Variants in HDGFL3 observed in about 807,000 individuals in gnomAD.
HDGFL3 encodes hepatoma-derived growth factor-related protein 3.
HDGFL3 carries 6 observed loss-of-function variants against 27.6 expected under a neutral mutation model. The ratio of observed to expected loss-of-function variants is 0.22; its 90% CI spans 0.12 to 0.43. HDGFL3 has a LOEUF of 0.43. HDGFL3 is among the 20% of genes least tolerant of loss of function. The pLI is 1.00. For missense variants in HDGFL3, 207 were observed against 250.1 expected (o/e 0.83, Z 1.16); for synonymous variants, 88 against 88.9 (o/e 0.99, Z 0.05).
downstream of HDGFL3, chr15:83,126,786 G>A (rs765868162): frequency 6.2e-6 from 10 of 1,613,552 alleles, no homozygotes; most frequent in Admixed American, 5.0e-5. Context: ...GAGCTCTGCC[G>A]ATTATATACG....
rs144534563 is a variant in HDGFL3 at position 83,169,952 on chromosome 15, G to A, written c.85-5877C>T. Reference sequence around the variant, plus strand: ...ACATCCAAGCTGAGAGCCAAATCAAGAATGCAATCCAGTTTACAATAGCCG... The same window carrying A: ...ACATCCAAGCTGAGAGCCAAATCAAAAATGCAATCCAGTTTACAATAGCCG... On this transcript the variant is annotated intron_variant, in intron 1 of 5. Coordinates refer to ENST00000299633, the MANE Select transcript of HDGFL3 (RefSeq NM_016073.4). Among the ~76,000 whole-genome samples, 82 of 152,238 alleles carry A rather than the reference G, an allele frequency of 5.4e-4. 1 individual carries two copies. In the East Asian group the frequency reaches 0.015, roughly 29 times the overall value.
At chr15:83,193,136 TA>T (rs1169338281) in intron 1 of HDGFL3, among the ~76,000 whole-genome samples, 1 of 151,204 alleles carries the variant, frequency 6.6e-6, no homozygotes. Context: ...AAATCAAGAG[TA>T]AAAAAAAGCA....
downstream of HDGFL3, chr15:83,126,871 A>G (rs776299932): frequency 3.8e-6 from 6 of 1,569,448 alleles, no homozygotes; most frequent in South Asian, 5.7e-5. Flanking sequence ...GAAGCCTAAG[A>G]TTTTTCTAAA....
intron 5 of HDGFL3, among the ~76,000 whole-genome samples, chr15:83,140,023 T>A (rs963136673): frequency 6.6e-6 from 1 of 152,164 alleles, no homozygotes; most frequent in Non-Finnish European, 1.5e-5. Flanking sequence ...ATGGGATGAA[T>A]GAAAGAGGGA....
intron 5 of HDGFL3, among the ~76,000 whole-genome samples, chr15:83,146,952 C>G (rs1192144802): frequency 6.6e-6 from 1 of 152,166 alleles, no homozygotes; most frequent in East Asian, 1.9e-4. Flanking sequence ...TCTACAAGCT[C>G]TCACCCCAAG....
chr15:83,124,837 A>G, downstream of HDGFL3: 2 of 1,350,186 alleles, frequency 1.5e-6, no homozygotes, highest in Non-Finnish European at 2.1e-6. Context: ...CCAAATGGAA[A>G]AAAACTTAGA....
intron 5 of HDGFL3, chr15:83,144,372 T>C: frequency 4.4e-6 from 2 of 455,072 alleles, no homozygotes; most frequent in South Asian, 3.1e-5. Flanking sequence ...CACCGCCCCT[T>C]TAGTGTGGGC....
chr15:83,150,730 T>G (rs1212341752), intron 5 of HDGFL3, among the ~76,000 whole-genome samples: 1 of 152,208 alleles, frequency 6.6e-6, no homozygotes, highest in Non-Finnish European at 1.5e-5. Context: ...AGAGTCATCA[T>G]AGACAAATTT....
intron 1 of HDGFL3, among the ~76,000 whole-genome samples, chr15:83,187,375 GTC>G (rs1304704861): frequency 6.6e-6 from 1 of 151,536 alleles, no homozygotes; most frequent in African/African-American, 2.4e-5. Context: ...CTCTGTGTGT[GTC>G]TCTCTCTCAA....
intron 3 of HDGFL3, among the ~76,000 whole-genome samples, chr15:83,118,531 A>G (rs2034910551): frequency 6.6e-6 from 1 of 152,208 alleles, no homozygotes; most frequent in African/African-American, 2.4e-5. Context: ...GTGTAGAAGC[A>G]GAACCTTGAT....
chr15:83,144,831 G>A (rs1000904755), intron 5 of HDGFL3: 2 of 306,692 alleles, frequency 6.5e-6, no homozygotes, highest in African/African-American at 4.4e-5. Context: ...GAAAAGATGA[G>A]ATAATAAATG....
At chr15:83,152,286 T>A (rs1051924339) in intron 4 of HDGFL3, among the ~76,000 whole-genome samples, 3 of 152,238 alleles carry the variant, frequency 2.0e-5, no homozygotes, top group African/African-American at 7.2e-5. Context: ...CCAGGCATGG[T>A]GGCTCACGCC....
At chr15:83,191,928 A>C (rs1302907197) in intron 1 of HDGFL3, among the ~76,000 whole-genome samples, 2 of 142,774 alleles carry the variant, frequency 1.4e-5, no homozygotes, top group Non-Finnish European at 3.0e-5. Flanking sequence ...ATTGTAACTT[A>C]TCTCTCCTTT....
At chr15:83,205,159 C>G (rs2037701666) in intron 1 of HDGFL3, among the ~76,000 whole-genome samples, 1 of 152,046 alleles carries the variant, frequency 6.6e-6, no homozygotes, top group African/African-American at 2.4e-5. Flanking sequence ...TTATCATCTA[C>G]ACAGCTATAC....
chr15:83,169,412 CTCAAA>C, intron 1 of HDGFL3, among the ~76,000 whole-genome samples: 1 of 31,694 alleles, frequency 3.2e-5, no homozygotes, highest in Non-Finnish European at 5.4e-5. Context: ...GAGACTCCGT[CTCAAA>C]AAAAAAAAAA....
chr15:83,144,375 G>A, intron 5 of HDGFL3: 1 of 455,182 alleles, frequency 2.2e-6, no homozygotes, highest in Non-Finnish European at 4.4e-6. Context: ...CGCCCCTTTA[G>A]TGTGGGCTGG....
chr15:83,176,854 TA>T lies in HDGFL3; in HGVS notation c.85-12780del, dbSNP rs908536373. The stretch of plus-strand genomic sequence containing the variant: ...GGTGCAAGTTGGTTTCCCTAATTCT[TA>T]AAAAAAAAAAGTACAAAATGTCAAA... On this transcript the variant is annotated intron_variant, in intron 1 of 5. Coordinates refer to ENST00000299633, the MANE Select transcript of HDGFL3 (RefSeq NM_016073.4). Among the ~76,000 whole-genome samples, 367 of 145,950 alleles carry T rather than the reference TA, an allele frequency of 2.5e-3. 1 individual carries two copies. The highest frequency in any genetic ancestry group is 8.0e-3 in the African/African-American group (319 of 39,852).
At position 83,136,552 on chromosome 15, in the gene HDGFL3, A is replaced by T. The variant is rs1370086650; in HGVS notation, c.*2718T>A. The T allele has an allele frequency of 6.2e-7, 1 of 1,613,708 alleles. No individual in the cohort carries two copies. Among genetic ancestry groups the T allele is most frequent in the South Asian group, 1.1e-5 (1 of 91,016 alleles). On this transcript the variant is annotated 3_prime_UTR_variant, in exon 6 of 6. Transcript: ENST00000299633. ...ATGTCTACAGAGTCCCTGAAGAAGC[A>T]AAAATCCTTTTTTTAGCATTAAACA... is the stretch of plus-strand genomic sequence containing the variant.
intron 5 of HDGFL3, among the ~76,000 whole-genome samples, chr15:83,144,096 G>C (rs1454018093): frequency 6.6e-6 from 1 of 152,170 alleles, no homozygotes; most frequent in Non-Finnish European, 1.5e-5. Flanking sequence ...CCCACCACTA[G>C]TATCTTTCAC....
Sources: allele counts gnomAD v4.1 joint callset (sites outside exome capture counted in the v4.1 genomes callset), GRCh38; gene constraint gnomAD v4.1.1; transcripts MANE v1.5; gene names NCBI Gene and HGNC (gene_info 2026-07-23, HGNC 2026-07-21).